Variants in TEK observed in about 807,000 individuals in gnomAD.
TEK encodes the protein TEK receptor tyrosine kinase.
A neutral mutation model predicts 131.8 loss-of-function variants in TEK; 43 were observed. The observed-to-expected ratio is 0.33, with a 90% CI of 0.26 to 0.42. The LOEUF (loss-of-function observed/expected upper bound fraction) is 0.42, where lower values mean the gene tolerates loss of function less well. TEK is among the 10% of genes least tolerant of loss of function. The pLI, the probability that TEK is intolerant of heterozygous loss-of-function variation, is 1.00. For synonymous variants in TEK, 580 were observed against 491.6 expected (o/e 1.18, Z -2.38); for missense variants, 1,162 against 1,384.4 (o/e 0.84, Z 2.55).
chr9:27,119,017 C>A (rs1821679435), intron 1 of TEK, among the ~76,000 whole-genome samples: 1 of 152,192 alleles, frequency 6.6e-6, no homozygotes, highest in Non-Finnish European at 1.5e-5. Context: ...AGACGTGGGT[C>A]CAAGGATTTT....
chr9:27,124,436 A>G (rs915864875), intron 1 of TEK, among the ~76,000 whole-genome samples: 1 of 152,216 alleles, frequency 6.6e-6, no homozygotes, highest in South Asian at 2.1e-4. Context: ...TTTACTCGTG[A>G]TGTTAGAAAC....
Position 27,157,939 on chromosome 9 carries a change from C to A in TEK, c.161C>A (p.Pro54His), listed in dbSNP as rs753618196. ...GCCTCTGGGTGGCGCCCCCATGAGCCCATCACCATAGGAAGGGACTTTGAA... is the reference window on the plus strand; with the variant it reads ...GCCTCTGGGTGGCGCCCCCATGAGCACATCACCATAGGAAGGGACTTTGAA... ...CIASGWRPHE[P>H]ITIGRDFEAL... Residue 54 changes from proline to histidine, a missense_variant, in exon 2 of 23, where the codon CCC (proline) becomes CAC (histidine). By Grantham distance (77) the Pro-to-His change is moderately conservative. Around this residue, in one of 6 missense-constraint regions of TEK, gnomAD observed 436 missense variants for 539.1 expected, o/e 0.81. Transcript: ENST00000380036. The A allele has an allele frequency of 1.2e-6, 2 of 1,613,926 alleles. No individual in the cohort carries two copies. The highest frequency in any genetic ancestry group is 1.7e-6 in the Non-Finnish European group (2 of 1,179,982).
In TEK at chr9:27,171,680, C is replaced by G. The variant is rs1181024035; in HGVS notation, c.629-936C>G. ...CCTTCTGGATGACTACTGTGCTTGA[C>G]TTCTATTAAATGTCAGAGCAGCCTT... On this transcript the variant is annotated intron_variant, in intron 4 of 22. Coordinates refer to ENST00000380036, the MANE Select transcript of TEK (RefSeq NM_000459.5). 2.0e-5 allele frequency among the ~76,000 whole-genome samples: 3 copies of G among 152,168 alleles called. No homozygotes were observed. The East Asian group carries it at 5.8e-4, about 29-fold the overall frequency.
chr9:27,197,337 A>T lies in TEK; in HGVS notation c.1647A>T (p.Leu549=). 1 of 1,614,100 alleles carries T rather than the reference A, an allele frequency of 6.2e-7. No individual in the cohort carries two copies. The highest frequency in any genetic ancestry group is 8.5e-7 in the Non-Finnish European group (1 of 1,179,974). ...TAGGACTCCCTCCTCCAAGAGGTCTAAATCTCCTGCCTAAAAGTCAGACCA... is the reference window on the plus strand; with the variant it reads ...TAGGACTCCCTCCTCCAAGAGGTCTTAATCTCCTGCCTAAAAGTCAGACCA... ...ASIGLPPPRG[L]NLLPKSQTTL... The change falls in exon 12 of 23, where the codon CTA becomes CTT. Residue 549 remains leucine, a synonymous_variant. Transcript: ENST00000380036.
chr9:27,215,589 G>A (rs957904422), intron 18 of TEK, among the ~76,000 whole-genome samples: 2 of 150,462 alleles, frequency 1.3e-5, no homozygotes, highest in African/African-American at 4.9e-5. Context: ...AGTTACCCAG[G>A]GTGATTTTAA....
intron 1 of TEK, among the ~76,000 whole-genome samples, chr9:27,142,158 A>G (rs146290003): frequency 6.6e-6 from 1 of 152,336 alleles, no homozygotes; most frequent in Non-Finnish European, 1.5e-5. Flanking sequence ...AATGTGAGGG[A>G]CAATACAGAG....
At chr9:27,177,606 C>T (rs1014834900) in intron 6 of TEK, among the ~76,000 whole-genome samples, 1 of 152,164 alleles carries the variant, frequency 6.6e-6, no homozygotes, top group African/African-American at 2.4e-5. Flanking sequence ...CAGAATTAGT[C>T]AGGCACGGTG....
chr9:27,139,101 C>A lies in TEK; in HGVS notation c.53-18730C>A, dbSNP rs2131080938. Among the ~76,000 whole-genome samples, 3 of 149,834 alleles carry A rather than the reference C, an allele frequency of 2.0e-5. 1 individual carries two copies. The Middle Eastern group carries it at 0.011, about 528-fold the overall frequency. On this transcript the variant is annotated intron_variant, in intron 1 of 22. Transcript: ENST00000380036. ...GTGGGCGTCTGTAGTCCCAGCTACTCCGGAGGGAGGCTGAGGCAGGAGAAT... is the reference window on the plus strand; with the variant it reads ...GTGGGCGTCTGTAGTCCCAGCTACTACGGAGGGAGGCTGAGGCAGGAGAAT...
At position 27,205,085 on chromosome 9, in the gene TEK, C is replaced by G. The variant is rs369295836; in HGVS notation, c.2364+20C>G. Reference sequence around the variant, plus strand: ...AACGTGGTAGTGTCTCATCTTCCTACTAGCTAATAAGGGCAAGTCCAAGTA... The same window carrying G: ...AACGTGGTAGTGTCTCATCTTCCTAGTAGCTAATAAGGGCAAGTCCAAGTA... On this transcript the variant is annotated intron_variant, in intron 14 of 22. Coordinates refer to ENST00000380036, the MANE Select transcript of TEK (RefSeq NM_000459.5). 8.1e-6 allele frequency: 13 copies of G among 1,613,654 alleles called. No homozygotes were observed. In the African/African-American group the frequency reaches 1.7e-4, roughly 22 times the overall value.
intron 12 of TEK, among the ~76,000 whole-genome samples, chr9:27,200,759 A>G (rs999506682): frequency 1.3e-5 from 2 of 152,114 alleles, no homozygotes; most frequent in African/African-American, 4.8e-5. Context: ...AAAATAATAT[A>G]TGTGTGTTAT....
At chr9:27,136,099 T>TTTTGG (rs1554689021) in intron 1 of TEK, among the ~76,000 whole-genome samples, 1 of 151,392 alleles carries the variant, frequency 6.6e-6, no homozygotes, top group African/African-American at 2.4e-5. Context: ...TTTTTTTTTT[T>TTTTGG]GAGATGGAGT....
chr9:27,155,398 G>A (rs1252812433), intron 1 of TEK, among the ~76,000 whole-genome samples: 1 of 152,120 alleles, frequency 6.6e-6, no homozygotes, highest in Non-Finnish European at 1.5e-5. Context: ...TCATTCTAGT[G>A]GAGATTTTCT....
intron 21 of TEK, among the ~76,000 whole-genome samples, chr9:27,224,458 T>C (rs12352222): frequency 0.36 from 54,076 of 151,992 alleles, 9,873 homozygotes; most frequent in African/African-American, 0.41. Context: ...GTTCAACATA[T>C]GCAAATCAAT....
intron 1 of TEK, among the ~76,000 whole-genome samples, chr9:27,117,961 C>A (rs1007919995): frequency 1.3e-5 from 2 of 152,170 alleles, no homozygotes; most frequent in East Asian, 1.9e-4. Context: ...GCAGTATTGA[C>A]ATTGCTGGGG....
chr9:27,217,961 G>A (rs554168578), intron 19 of TEK, among the ~76,000 whole-genome samples: 2 of 152,194 alleles, frequency 1.3e-5, no homozygotes, highest in Non-Finnish European at 2.9e-5. Context: ...GCAGGTTTTG[G>A]GTTTCCCTCT....
intron 21 of TEK, among the ~76,000 whole-genome samples, chr9:27,222,531 C>T (rs943920744): frequency 1.3e-5 from 2 of 152,140 alleles, no homozygotes; most frequent in Admixed American, 6.5e-5. Flanking sequence ...AGAAACCCTA[C>T]GAGCCAGAAG....
At chr9:27,154,437 A>T (rs949512477) in intron 1 of TEK, among the ~76,000 whole-genome samples, 1 of 152,096 alleles carries the variant, frequency 6.6e-6, no homozygotes, top group Non-Finnish European at 1.5e-5. Context: ...TTTTACGTTT[A>T]ATTTTTATGT....
chr9:27,157,836 G>A lies in TEK; in HGVS notation c.58G>A (p.Val20Met), dbSNP rs202051322. 2 of 1,614,150 alleles carry A rather than the reference G, an allele frequency of 1.2e-6. No individual in the cohort carries two copies. Among genetic ancestry groups the A allele is most frequent in the Non-Finnish European group, 1.7e-6 (2 of 1,180,022 alleles). Residue 20 changes from valine to methionine, a missense_variant, in exon 2 of 23, where the codon GTG (valine) becomes ATG (methionine). By Grantham distance (21) the Val-to-Met change is conservative. Coordinates refer to ENST00000380036, the MANE Select transcript of TEK (RefSeq NM_000459.5). ...TTGTCTCTCTTTCCTTTTAGGAACT[G>A]TGGAAGGTGCCATGGACTTGATCTT... is the stretch of plus-strand genomic sequence containing the variant. ...CGVSLLLSGTVEGAMDLILIN... is the reference protein window; with the variant it reads ...CGVSLLLSGTMEGAMDLILIN...
At chr9:27,145,332 T>C (rs1234137468) in intron 1 of TEK, among the ~76,000 whole-genome samples, 1 of 152,214 alleles carries the variant, frequency 6.6e-6, no homozygotes, top group African/African-American at 2.4e-5. Flanking sequence ...GCCTGTTTCC[T>C]GCCCATGTGG....
Sources: allele counts gnomAD v4.1 joint callset (sites outside exome capture counted in the v4.1 genomes callset), GRCh38; gene constraint gnomAD v4.1.1; regional missense constraint gnomAD v4.1.1; transcripts MANE v1.5; gene names NCBI Gene and HGNC (gene_info 2026-07-23, HGNC 2026-07-21).